PTAFR: variants seen among roughly 807,000 people sequenced by gnomAD.
The protein encoded by PTAFR is platelet-activating factor receptor.
In PTAFR, 8 loss-of-function variants were observed where a neutral mutation model predicts 14.7. The ratio of observed to expected loss-of-function variants is 0.54; its 90% confidence interval spans 0.32 to 0.98. The LOEUF (loss-of-function observed/expected upper bound fraction) is 0.98, where lower values mean the gene tolerates loss of function less well. Among genes scored for constraint, PTAFR ranks in the 50% least tolerant of loss-of-function variants. PTAFR has a pLI of 0.04. For missense variants in PTAFR, 337 were observed against 451.2 expected, an observed-to-expected ratio of 0.75 and a Z score of 2.29; for synonymous variants, 156 against 176.5, an observed-to-expected ratio of 0.88 and a Z score of 0.92.
At chr1:28,174,811 T>C (rs1646495172) in intron 1 of PTAFR, among the ~76,000 whole-genome samples, 1 of 152,236 alleles carries the variant, frequency 6.6e-6, no homozygotes, top group African/African-American at 2.4e-5. Flanking sequence ...GAGTCAGCAT[T>C]AGAGGGAATT....
At chr1:28,162,829 CAAA>C (rs529755155) in intron 1 of PTAFR, among the ~76,000 whole-genome samples, 111 of 59,154 alleles carry the variant, frequency 1.9e-3, no homozygotes, top group African/African-American at 7.0e-3. Context: ...ACTTTGTCTC[CAAA>C]AAAAAAAAAA....
chr1:28,168,960 G>C (rs568029503), intron 1 of PTAFR, among the ~76,000 whole-genome samples: 1 of 151,918 alleles, frequency 6.6e-6, no homozygotes, highest in Admixed American at 6.6e-5. Flanking sequence ...GAGCCACTGC[G>C]CCCAGCCAAG....
upstream of PTAFR, among the ~76,000 whole-genome samples, chr1:28,178,858 C>A (rs1646540396): frequency 1.3e-5 from 2 of 152,112 alleles, no homozygotes; most frequent in Non-Finnish European, 1.5e-5. Context: ...CACACACTCT[C>A]CCAATCCCCA....
intron 1 of PTAFR, among the ~76,000 whole-genome samples, chr1:28,183,712 C>T (rs1251262574): frequency 6.6e-6 from 1 of 151,988 alleles, no homozygotes; most frequent in African/African-American, 2.4e-5. Flanking sequence ...CTAGTGAAAC[C>T]CCGTCTCTAC....
At chr1:28,168,000 G>C (rs1429511740) in intron 1 of PTAFR, among the ~76,000 whole-genome samples, 11 of 113,738 alleles carry the variant, frequency 9.7e-5, no homozygotes, top group East Asian at 2.9e-4. Context: ...GCTCTGTAGC[G>C]CAGGCTGGAG....
At chr1:28,173,105 CAAAAAAAAAAA>C (rs68034962) in intron 1 of PTAFR, among the ~76,000 whole-genome samples, 3 of 50,122 alleles carry the variant, frequency 6.0e-5, no homozygotes, top group Admixed American at 2.6e-4. Context: ...CCCGTTTCCA[CAAAAAAAAAAA>C]AAAAAAAAAA....
intron 1 of PTAFR, among the ~76,000 whole-genome samples, chr1:28,184,409 C>T (rs111685993): frequency 2.2e-4 from 34 of 152,074 alleles, no homozygotes; most frequent in African/African-American, 7.2e-4. Context: ...GTTCTTAATA[C>T]AGCAACGCGG....
chr1:28,174,170 G>A (rs1386302695), intron 1 of PTAFR, among the ~76,000 whole-genome samples: 1 of 152,126 alleles, frequency 6.6e-6, no homozygotes, highest in Non-Finnish European at 1.5e-5. Flanking sequence ...GGCTGCAGCA[G>A]GGTCCCAGCA....
In PTAFR at chr1:28,150,815, G is replaced by C. The variant is rs780437327; in HGVS notation, c.207C>G (p.Thr69=). 2.9e-5 allele frequency: 47 copies of C among 1,614,016 alleles called. No homozygotes were observed. The highest frequency in any genetic ancestry group is 3.6e-5 in the Non-Finnish European group (42 of 1,180,036). Residue 69 remains threonine (T), a synonymous_variant, in exon 2 of 2, where the codon ACC becomes ACG. Coordinates refer to ENST00000373857, the MANE Select transcript of PTAFR (RefSeq NM_000952.5). This position sits in a 1 kb window ranked among gnomAD's most constrained non-coding sequence, Gnocchi z 6.3. ...GGTAGTAGACAATCCAAAGTGGCAG[G>C]GTGATCAAGAAGAGCATGTCCGCCA... ...LTMADMLFLI[T]LPLWIVYYQN...
chr1:28,168,671 TTTTG>T (rs1166492677), intron 1 of PTAFR, among the ~76,000 whole-genome samples: 4 of 152,098 alleles, frequency 2.6e-5, no homozygotes, highest in African/African-American at 4.8e-5. Flanking sequence ...AAACATTCTT[TTTTG>T]TTTGTTTGTT....
At chr1:28,183,636 T>C (rs1251610259) in intron 1 of PTAFR, among the ~76,000 whole-genome samples, 1 of 150,926 alleles carries the variant, frequency 6.6e-6, no homozygotes, top group East Asian at 2.0e-4. Flanking sequence ...CTTCAAAATA[T>C]GTGTGTGTGT....
chr1:28,163,781 CTA>C (rs1557689857), intron 1 of PTAFR, among the ~76,000 whole-genome samples: 2 of 152,226 alleles, frequency 1.3e-5, no homozygotes, highest in Non-Finnish European at 2.9e-5. Context: ...GGGCTTTGAC[CTA>C]CACACTGGCT....
chr1:28,151,210 A>C (rs1300421413), intron 1 of PTAFR, among the ~76,000 whole-genome samples, 151 bp from the exon 2 acceptor site: 1 of 147,032 alleles, frequency 6.8e-6, no homozygotes, highest in Non-Finnish European at 1.5e-5. Context: ...ATGGAGTTTC[A>C]CTCTTGCTGC....
At position 28,151,050 on chromosome 1, in the gene PTAFR, C is replaced by G. The variant is rs1235234585; in HGVS notation, c.-29G>C. 6.6e-7 allele frequency: 1 copy of G among 1,521,150 alleles called. No individual in the cohort carries two copies. Among genetic ancestry groups the G allele is most frequent in the Non-Finnish European group, 8.9e-7 (1 of 1,129,402 alleles). 94.2% of individuals were successfully genotyped at this position (1,521,150 alleles called of 1,614,324 possible). On this transcript the variant is annotated 5_prime_UTR_variant, in exon 2 of 2. Coordinates refer to ENST00000373857, the MANE Select transcript of PTAFR (RefSeq NM_000952.5). The stretch of plus-strand genomic sequence containing the variant: ...TGTGGGCTGGAATGATCAGCTGGTC[C>G]TGGTGGTGCCTGGAAGACCACACAA...
intron 1 of PTAFR, among the ~76,000 whole-genome samples, chr1:28,185,854 G>T (rs1313094133): frequency 1.3e-5 from 2 of 152,086 alleles, no homozygotes; most frequent in Admixed American, 6.6e-5. Context: ...AAACCAACAT[G>T]TAAAAAGCAA....
At chr1:28,175,963 T>G (rs1251386249) in intron 1 of PTAFR, among the ~76,000 whole-genome samples, 1 of 151,926 alleles carries the variant, frequency 6.6e-6, no homozygotes, top group Non-Finnish European at 1.5e-5. Flanking sequence ...CCCAGTAGGG[T>G]CTCTGGGGTC....
upstream of PTAFR, among the ~76,000 whole-genome samples, chr1:28,177,608 G>A (rs998109163): frequency 1.3e-5 from 2 of 152,182 alleles, no homozygotes; most frequent in Admixed American, 6.5e-5. Flanking sequence ...TGGCTCCATT[G>A]TCCAGTAGAA....
chr1:28,166,553 C>T (rs2148998999), intron 1 of PTAFR, among the ~76,000 whole-genome samples: 1 of 152,196 alleles, frequency 6.6e-6, no homozygotes, highest in African/African-American at 2.4e-5. Flanking sequence ...TGCCTGTAAT[C>T]CCAGCTACTC....
At chr1:28,167,238 A>G (rs1646395772) in intron 1 of PTAFR, among the ~76,000 whole-genome samples, 1 of 152,240 alleles carries the variant, frequency 6.6e-6, no homozygotes, top group East Asian at 1.9e-4. Flanking sequence ...GTTAATATGC[A>G]GAACTCCTAC....
Sources: allele counts gnomAD v4.1 joint callset (sites outside exome capture counted in the v4.1 genomes callset), GRCh38; gene constraint gnomAD v4.1.1; non-coding constraint Gnocchi (gnomAD v3.1); transcripts MANE v1.5; gene names NCBI Gene and HGNC (gene_info 2026-07-23, HGNC 2026-07-21).